KHDRBS3: variants seen among roughly 807,000 people sequenced by gnomAD.
The protein encoded by KHDRBS3 is KH domain-containing, RNA-binding, signal transduction-associated protein 3.
KHDRBS3 carries 23 observed loss-of-function variants against 45.6 expected under a neutral mutation model. The observed-to-expected ratio is 0.50, with a 90% CI of 0.36 to 0.72. The LOEUF (loss-of-function observed/expected upper bound fraction) is 0.72. KHDRBS3 is among the 30% of genes least tolerant of loss of function. KHDRBS3 has a pLI of 0.00. For synonymous variants in KHDRBS3, 162 were observed against 156.5 expected, an observed-to-expected ratio of 1.04 and a Z score of -0.26; for missense variants, 352 against 424.8, an observed-to-expected ratio of 0.83 and a Z score of 1.51.
At chr8:135,619,725 A>G (rs750502085) in intron 7 of KHDRBS3, among the ~76,000 whole-genome samples, 55 of 152,212 alleles carry the variant, frequency 3.6e-4, no homozygotes, top group Admixed American at 1.2e-3. Context: ...CTTACATTCC[A>G]ATTTTTGGAA....
At position 135,579,225 on chromosome 8, in the gene KHDRBS3, G is replaced by C. The variant is rs1458475060; in HGVS notation, c.612-2653G>C. Among the ~76,000 whole-genome samples the C allele has an allele frequency of 2.0e-5, 3 of 152,274 alleles. No homozygotes were observed. In the East Asian group the frequency reaches 5.8e-4, roughly 29 times the overall value. ...CCTATTGAAGTAGGTGGGACTTCTA[G>C]CATAGTGTTGAATAGTAGTTGTGAG... On this transcript the variant is annotated intron_variant, in intron 5 of 8. Transcript: ENST00000355849.
chr8:135,600,639 A>G (rs1020959018), intron 6 of KHDRBS3, among the ~76,000 whole-genome samples: 2 of 152,204 alleles, frequency 1.3e-5, no homozygotes, highest in African/African-American at 4.8e-5. Context: ...TTAAAGTGCA[A>G]GAAAAGGGAT....
chr8:135,568,865 C>A (rs1827558417), intron 5 of KHDRBS3, among the ~76,000 whole-genome samples: 1 of 152,150 alleles, frequency 6.6e-6, no homozygotes, highest in Non-Finnish European at 1.5e-5. Flanking sequence ...CTCTTGCCTC[C>A]CCCTGTAACT....
At chr8:135,596,457 TTCCAATCATAGCAG>T (rs1222022118) in intron 6 of KHDRBS3, among the ~76,000 whole-genome samples, 1 of 152,184 alleles carries the variant, frequency 6.6e-6, no homozygotes, top group Non-Finnish European at 1.5e-5. Flanking sequence ...GATGGTCAGC[TTCCAATCATAGCAG>T]TCCTTTGTGG....
intron 5 of KHDRBS3, among the ~76,000 whole-genome samples, chr8:135,558,351 C>T (rs2317281): frequency 0.38 from 58,040 of 152,090 alleles, 12,613 homozygotes; most frequent in South Asian, 0.54. Flanking sequence ...ATTTTTCAAT[C>T]TTTGAAGTCA....
intron 5 of KHDRBS3, among the ~76,000 whole-genome samples, chr8:135,566,691 C>T (rs1563773257): frequency 6.8e-6 from 1 of 146,322 alleles, no homozygotes; most frequent in Non-Finnish European, 1.5e-5. Flanking sequence ...TTTATCTTTA[C>T]AAAAAAAAAA....
chr8:135,515,523 G>A (rs1824547731), intron 1 of KHDRBS3, among the ~76,000 whole-genome samples: 1 of 151,864 alleles, frequency 6.6e-6, no homozygotes, highest in Admixed American at 6.6e-5. Flanking sequence ...TGTGCCCAGA[G>A]GCTGATATGC....
At chr8:135,545,584 A>C (rs894981517) in intron 3 of KHDRBS3, among the ~76,000 whole-genome samples, 1 of 152,166 alleles carries the variant, frequency 6.6e-6, no homozygotes, top group African/African-American at 2.4e-5. Flanking sequence ...TGGCCCTGTC[A>C]ACCTGTGGCT....
chr8:135,524,233 C>T (rs562316472), intron 2 of KHDRBS3, among the ~76,000 whole-genome samples: 2 of 152,126 alleles, frequency 1.3e-5, no homozygotes, highest in Non-Finnish European at 2.9e-5. Flanking sequence ...CCAGGCTGGC[C>T]TAATGTGATT....
At chr8:135,594,348 CAGTATATCAT>C (rs1828879915) in intron 6 of KHDRBS3, among the ~76,000 whole-genome samples, 2 of 152,126 alleles carry the variant, frequency 1.3e-5, no homozygotes, top group African/African-American at 4.8e-5. Flanking sequence ...TAGGGCCAGA[CAGTATATCAT>C]AGGGGTTAAA....
At chr8:135,514,357 G>T (rs1274607896) in intron 1 of KHDRBS3, among the ~76,000 whole-genome samples, 1 of 152,222 alleles carries the variant, frequency 6.6e-6, no homozygotes, top group Non-Finnish European at 1.5e-5. Flanking sequence ...GTGTTATATA[G>T]CTACAGTGGA....
chr8:135,576,707 G>A (rs989478458), intron 5 of KHDRBS3, among the ~76,000 whole-genome samples: 9 of 152,132 alleles, frequency 5.9e-5, no homozygotes, highest in Admixed American at 3.3e-4. Context: ...ATTTATTGGA[G>A]TATGGTATTA....
At chr8:135,551,522 C>T (rs1586707226) in intron 4 of KHDRBS3, among the ~76,000 whole-genome samples, 1 of 152,034 alleles carries the variant, frequency 6.6e-6, no homozygotes, top group African/African-American at 2.4e-5. Context: ...TGGTTTTATT[C>T]TCCTTTATTT....
intron 4 of KHDRBS3, among the ~76,000 whole-genome samples, chr8:135,655,245 C>T (rs1026945473): frequency 6.6e-6 from 1 of 152,142 alleles, no homozygotes; most frequent in Non-Finnish European, 1.5e-5. Context: ...ATGCTTTATG[C>T]AGGTGACACT....
intron 1 of KHDRBS3, among the ~76,000 whole-genome samples, chr8:135,485,722 C>T (rs1018872874): frequency 4.0e-5 from 6 of 151,462 alleles, no homozygotes; most frequent in South Asian, 4.2e-4. Context: ...AGGGTGATGA[C>T]GGTGATGATG....
chr8:135,614,331 C>T (rs1161841301), intron 7 of KHDRBS3, among the ~76,000 whole-genome samples: 2 of 151,856 alleles, frequency 1.3e-5, no homozygotes, highest in Non-Finnish European at 2.9e-5. Context: ...TCTGCCCCGA[C>T]ATGGCTTGAA....
At chr8:135,590,224 G>A (rs115478527) in intron 6 of KHDRBS3, among the ~76,000 whole-genome samples, 455 of 152,258 alleles carry the variant, frequency 3.0e-3, no homozygotes, top group African/African-American at 0.01. Context: ...GTCTGTAAAC[G>A]TGTCTAAACA....
intron 2 of KHDRBS3, chr8:135,540,701 T>C (rs1365568459): frequency 2.6e-5 from 4 of 152,246 alleles, no homozygotes; most frequent in Non-Finnish European, 5.9e-5. Context: ...GGAGTTTCTC[T>C]TCAGGGAAGT....
intron 2 of KHDRBS3, among the ~76,000 whole-genome samples, chr8:135,524,419 A>G (rs1435333120): frequency 6.6e-6 from 1 of 152,160 alleles, no homozygotes; most frequent in Non-Finnish European, 1.5e-5. Context: ...CATATATCAG[A>G]TTGGTGTTAC....
Sources: allele counts gnomAD v4.1 joint callset (sites outside exome capture counted in the v4.1 genomes callset), GRCh38; gene constraint gnomAD v4.1.1; transcripts MANE v1.5; gene names NCBI Gene and HGNC (gene_info 2026-07-23, HGNC 2026-07-21).